Variants in STK33 observed in about 807,000 individuals in gnomAD.
STK33 encodes serine/threonine-protein kinase 33.
In STK33, 52 loss-of-function variants were observed where a neutral mutation model predicts 58.0. That is an observed-to-expected ratio of 0.90 (90% CI 0.72 to 1.13). STK33 has a LOEUF of 1.13. STK33 is among the 50% of genes most tolerant of loss of function. The pLI is 0.00. For missense variants in STK33, 630 were observed against 604.2 expected, an observed-to-expected ratio of 1.04 and a Z score of -0.45; for synonymous variants, 215 against 200.1, an observed-to-expected ratio of 1.07 and a Z score of -0.63.
chr11:8,383,132 G>T, the STK33 span, among the ~76,000 whole-genome samples: 1 of 152,202 alleles, frequency 6.6e-6, no homozygotes, highest in Admixed American at 6.5e-5. Flanking sequence ...GCCACACTTG[G>T]AGGTCTGACT....
chr11:8,368,016 C>T, the STK33 span, among the ~76,000 whole-genome samples: 1 of 152,086 alleles, frequency 6.6e-6, no homozygotes, highest in East Asian at 1.9e-4. Context: ...GGGCAGCGAG[C>T]ATGTGATGAA....
At chr11:8,347,279 C>A in the STK33 span, among the ~76,000 whole-genome samples, 1 of 152,204 alleles carries the variant, frequency 6.6e-6, no homozygotes, top group African/African-American at 2.4e-5. Context: ...CTTCACTGGT[C>A]TCAGACAGCG....
At chr11:8,593,929 T>TC (rs2033023171) in intron 1 of STK33, 154 bp downstream of exon 1, 1 of 152,042 alleles carries the variant, frequency 6.6e-6, no homozygotes, top group African/African-American at 2.4e-5. Context: ...GCCCGGTCCC[T>TC]CCGCTGGGGG....
chr11:8,335,242 C>T, the STK33 span, among the ~76,000 whole-genome samples: 1 of 152,188 alleles, frequency 6.6e-6, no homozygotes, highest in Admixed American at 6.5e-5. Context: ...TCCCCAGGCC[C>T]TTTATGGAGT....
chr11:8,591,815 T>C (rs1591951615), intron 1 of STK33, among the ~76,000 whole-genome samples: 1 of 137,714 alleles, frequency 7.3e-6, no homozygotes, highest in Non-Finnish European at 1.6e-5. Flanking sequence ...AAGGGAAACA[T>C]CACACACCAG....
chr11:8,519,892 A>G (rs1953227827), intron 1 of STK33, among the ~76,000 whole-genome samples: 1 of 152,248 alleles, frequency 6.6e-6, no homozygotes, highest in Non-Finnish European at 1.5e-5. Context: ...AGACGGATTC[A>G]CAGCCGAATT....
intron 1 of STK33, among the ~76,000 whole-genome samples, chr11:8,563,764 C>T (rs1041402393): frequency 6.6e-6 from 1 of 152,094 alleles, no homozygotes; most frequent in Non-Finnish European, 1.5e-5. Flanking sequence ...TTAATAATTA[C>T]AAGAGGTATG....
At chr11:8,505,094 T>C (rs1951776116) in intron 1 of STK33, among the ~76,000 whole-genome samples, 1 of 152,158 alleles carries the variant, frequency 6.6e-6, no homozygotes, top group South Asian at 2.1e-4. Context: ...TCTGGAAAGG[T>C]GATTGCTAAA....
At chr11:8,562,903 T>A (rs1383817387) in intron 1 of STK33, among the ~76,000 whole-genome samples, 2 of 152,158 alleles carry the variant, frequency 1.3e-5, no homozygotes, top group Non-Finnish European at 2.9e-5. Flanking sequence ...AAACAGACTA[T>A]TACTATTTTT....
intron 6 of STK33, among the ~76,000 whole-genome samples, chr11:8,468,154 G>A (rs1171039486): frequency 6.6e-6 from 1 of 152,172 alleles, no homozygotes; most frequent in South Asian, 2.1e-4. Flanking sequence ...GGAGGAGCAA[G>A]TCACATCTTA....
the STK33 span, among the ~76,000 whole-genome samples, chr11:8,366,802 C>G: frequency 1.3e-5 from 2 of 152,166 alleles, no homozygotes; most frequent in African/African-American, 4.8e-5. Context: ...TTAATGACAC[C>G]AATTAATTCC....
At chr11:8,511,665 T>A (rs1334035068) in intron 1 of STK33, among the ~76,000 whole-genome samples, 1 of 152,190 alleles carries the variant, frequency 6.6e-6, no homozygotes, top group Non-Finnish European at 1.5e-5. Flanking sequence ...TATGCCAATC[T>A]TGTTGAGAGT....
chr11:8,553,751 A>G (rs1956533209), intron 1 of STK33, among the ~76,000 whole-genome samples: 1 of 152,178 alleles, frequency 6.6e-6, no homozygotes, highest in Admixed American at 6.5e-5. Context: ...GAACATCCAC[A>G]TGCAGAAGAA....
At chr11:8,550,121 T>C (rs1200362825) in intron 1 of STK33, among the ~76,000 whole-genome samples, 1 of 152,224 alleles carries the variant, frequency 6.6e-6, no homozygotes, top group Non-Finnish European at 1.5e-5. Context: ...ATGTAATTAA[T>C]GAAGGAACAA....
At chr11:8,518,040 C>G (rs1375279320) in intron 1 of STK33, among the ~76,000 whole-genome samples, 1 of 152,104 alleles carries the variant, frequency 6.6e-6, no homozygotes, top group Non-Finnish European at 1.5e-5. Context: ...ACATAATTGT[C>G]AGATTCACCA....
chr11:8,520,278 T>C (rs1953280381), intron 1 of STK33, among the ~76,000 whole-genome samples: 4 of 152,132 alleles, frequency 2.6e-5, no homozygotes, highest in Admixed American at 2.6e-4. Flanking sequence ...AAAAGGCCTT[T>C]GACAAAATTC....
chr11:8,579,826 C>A (rs1958440874), intron 1 of STK33, among the ~76,000 whole-genome samples: 1 of 152,048 alleles, frequency 6.6e-6, no homozygotes, highest in Non-Finnish European at 1.5e-5. Flanking sequence ...AGACACTTCT[C>A]AAAAGAAGAC....
the STK33 span, among the ~76,000 whole-genome samples, chr11:8,342,656 T>A: frequency 2.6e-5 from 4 of 152,244 alleles, no homozygotes; most frequent in Non-Finnish European, 4.4e-5. Context: ...TTAATCTGCA[T>A]GACATGCTTA....
At chr11:8,451,130 T>C (rs1946223685) in intron 11 of STK33, among the ~76,000 whole-genome samples, 2 of 152,142 alleles carry the variant, frequency 1.3e-5, no homozygotes, top group Non-Finnish European at 2.9e-5. Flanking sequence ...AAATTGCTGG[T>C]GGGAAGGTAA....
Sources: gnomAD v4.1 joint callset for allele counts (sites outside exome capture counted in the v4.1 genomes callset) on GRCh38, gnomAD v4.1.1 for gene constraint, MANE v1.5 for transcripts, NCBI Gene and HGNC (gene_info 2026-07-23, HGNC 2026-07-21) for gene names.